ANK1: variants seen among roughly 807,000 people sequenced by gnomAD.
ANK1 encodes the protein ankyrin 1, also known as ankyrin-1.
ANK1 carries 51 observed loss-of-function variants against 210.4 expected under a neutral mutation model. The ratio of observed to expected loss-of-function variants is 0.24; its 90% CI spans 0.19 to 0.31. The LOEUF (loss-of-function observed/expected upper bound fraction) is 0.31, where lower values mean the gene tolerates loss of function less well. Ranked by LOEUF, ANK1 falls within the 10% of genes least tolerant of loss-of-function variation. The pLI is 1.00. For missense variants in ANK1, 2,051 were observed against 2,504.4 expected, an observed-to-expected ratio of 0.82 and a Z score of 3.86; for synonymous variants, 967 against 1,025.9, an observed-to-expected ratio of 0.94 and a Z score of 1.10.
intron 1 of ANK1, among the ~76,000 whole-genome samples, chr8:41,857,265 G>T (rs1467577082): frequency 9.5e-5 from 14 of 147,266 alleles, no homozygotes; most frequent in African/African-American, 3.5e-4. Flanking sequence ...TCTTTGACTC[G>T]TTTCTTGGTG....
At position 41,655,034 on chromosome 8, in the gene ANK1, G is replaced by C. The variant is rs1473559769; in HGVS notation, c.*756C>G. The C allele has an allele frequency of 6.6e-6, 1 of 152,166 alleles. No homozygotes were observed. The highest frequency in any genetic ancestry group is 1.5e-5 in the Non-Finnish European group (1 of 68,088). 9.4% of individuals were successfully genotyped at this position (152,166 alleles called of 1,614,324 possible). A position where few individuals can be genotyped will look rare whatever the true frequency, so the allele number is the denominator to read the frequency against. ...ATTCGTATTGAAATTGGCAGAGAGA[G>C]AGACAACATAAAAAATTCCAATTTA... On this transcript the variant is annotated 3_prime_UTR_variant, in exon 43 of 43. Transcript: ENST00000289734.
At position 41,702,290 on chromosome 8, in the gene ANK1, T is replaced by A. The variant is rs552737450; in HGVS notation, c.2296-146A>T. The A allele has an allele frequency of 1.5e-5, 10 of 648,380 alleles. No homozygotes were observed. The South Asian group carries it at 1.6e-4, about 11-fold the overall frequency. The allele number at this position is 648,380 out of a possible 1,614,324, so 40.2% of individuals were successfully genotyped here. The stretch of plus-strand genomic sequence containing the variant: ...CGTCACCGTGGGGCCCAGAAAGAGA[T>A]CCCTGCACGTGTGTGTGCCTAGATG... On this transcript the variant is annotated intron_variant, in intron 20 of 42. Coordinates refer to ENST00000289734, the MANE Select transcript of ANK1 (RefSeq NM_000037.4).
At chr8:41,816,734 A>G (rs1803408807) in intron 1 of ANK1, among the ~76,000 whole-genome samples, 1 of 152,206 alleles carries the variant, frequency 6.6e-6, no homozygotes, top group African/African-American at 2.4e-5. Flanking sequence ...CTGGCCAATA[A>G]TATTCTTATT....
intron 2 of ANK1, among the ~76,000 whole-genome samples, chr8:41,737,432 T>C (rs564649436): frequency 1.3e-5 from 2 of 152,278 alleles, no homozygotes; most frequent in South Asian, 2.1e-4. Flanking sequence ...CGGCAATTGA[T>C]CTCTAGGATT....
In ANK1 at chr8:41,749,670, T is replaced by C. The variant is rs11997900; in HGVS notation, c.129+8366A>G. On this transcript the variant is annotated intron_variant, in intron 2 of 42. Coordinates refer to ENST00000289734, the MANE Select transcript of ANK1 (RefSeq NM_000037.4). ...CCTTGTTGCCCAGGCTGGAGTGCAA[T>C]GGTGCGATCTCAGCTCACCACATCC... Among the ~76,000 whole-genome samples the C allele has an allele frequency of 3.6e-3, 544 of 151,432 alleles. 2 individuals are homozygous for C. The highest frequency in any genetic ancestry group is 0.012 in the African/African-American group (502 of 41,172).
chr8:41,661,078 G>T, intron 42 of ANK1: 2 of 318,100 alleles, frequency 6.3e-6, no homozygotes, highest in East Asian at 7.9e-5. Context: ...GTCTTGCTCT[G>T]TTGCCCAGGC....
In ANK1 at chr8:41,795,665, A is replaced by T. The variant is rs993084544; in HGVS notation, c.27+1847T>A. ...ATAAGCGAGGCACAGAAAGACAAATACTGAATGTTCTCAGTCATACATAGG... is the reference window on the plus strand; with the variant it reads ...ATAAGCGAGGCACAGAAAGACAAATTCTGAATGTTCTCAGTCATACATAGG... On this transcript the variant is annotated intron_variant, in intron 1 of 42. Transcript: ENST00000289734. 1.8e-4 allele frequency among the ~76,000 whole-genome samples: 27 copies of T among 152,260 alleles called. No homozygotes were observed. In the South Asian group the frequency reaches 2.1e-3, roughly 12 times the overall value.
intron 1 of ANK1, among the ~76,000 whole-genome samples, chr8:41,761,196 C>T (rs531202369): frequency 1.0e-5 from 1 of 97,430 alleles, no homozygotes; most frequent in African/African-American, 3.3e-5. Context: ...CATGCGCACA[C>T]ACACAGATTC....
At chr8:41,819,925 T>C (rs1334512056) in intron 1 of ANK1, among the ~76,000 whole-genome samples, 3 of 152,234 alleles carry the variant, frequency 2.0e-5, no homozygotes, top group Non-Finnish European at 4.4e-5. Context: ...GTGAGAATCA[T>C]GAACTCAGCA....
chr8:41,802,295 T>A (rs773546077), upstream of ANK1, among the ~76,000 whole-genome samples: 3 of 152,174 alleles, frequency 2.0e-5, no homozygotes, highest in South Asian at 2.1e-4. Context: ...CGACCTATAG[T>A]TTTACTTCTC....
chr8:41,860,723 G>T (rs1179219783), intron 1 of ANK1, among the ~76,000 whole-genome samples: 1 of 152,204 alleles, frequency 6.6e-6, no homozygotes, highest in African/African-American at 2.4e-5. Context: ...AAATATGGGG[G>T]AAAGCAATAA....
chr8:41,810,594 G>A (rs56828537), intron 1 of ANK1, among the ~76,000 whole-genome samples: 2 of 152,218 alleles, frequency 1.3e-5, no homozygotes, highest in Non-Finnish European at 2.9e-5. Context: ...GGCCACACAG[G>A]AGCAGAGCAT....
intron 1 of ANK1, among the ~76,000 whole-genome samples, chr8:41,856,574 T>C (rs928786139): frequency 6.6e-6 from 1 of 152,176 alleles, no homozygotes; most frequent in African/African-American, 2.4e-5. Flanking sequence ...TTTCAGATAA[T>C]GCATGAAAAG....
At chr8:41,846,487 T>A (rs1810077261) in intron 1 of ANK1, among the ~76,000 whole-genome samples, 2 of 152,210 alleles carry the variant, frequency 1.3e-5, no homozygotes, top group Admixed American at 6.5e-5. Flanking sequence ...CTGAGCTGAC[T>A]CCTGAAGGCA....
chr8:41,840,898 A>T (rs1808771778), intron 1 of ANK1, among the ~76,000 whole-genome samples: 1 of 152,200 alleles, frequency 6.6e-6, no homozygotes, highest in Non-Finnish European at 1.5e-5. Flanking sequence ...ATTGAAACAA[A>T]CAAGGAGTGC....
intron 3 of ANK1, among the ~76,000 whole-genome samples, chr8:41,728,215 A>G (rs1036590212): frequency 2.0e-5 from 3 of 152,180 alleles, no homozygotes; most frequent in Admixed American, 6.5e-5. Context: ...CCTGTTCTCT[A>G]TGACAAACAA....
At position 41,761,264 on chromosome 8, in the gene ANK1, C is replaced by T. The variant is rs10098281; in HGVS notation, c.28-3127G>A. Among the ~76,000 whole-genome samples, 411 of 151,702 alleles carry T rather than the reference C, an allele frequency of 2.7e-3. 1 individual carries two copies. Among genetic ancestry groups the T allele is most frequent in the African/African-American group, 8.8e-3 (365 of 41,310 alleles). On this transcript the variant is annotated intron_variant, in intron 1 of 42. Coordinates refer to ENST00000289734, the MANE Select transcript of ANK1 (RefSeq NM_000037.4). ...CTACACATACACACCCATACACAGACGTGTGTGCACACACATGCACACCAA... is the reference window on the plus strand; with the variant it reads ...CTACACATACACACCCATACACAGATGTGTGTGCACACACATGCACACCAA...
intron 1 of ANK1, among the ~76,000 whole-genome samples, chr8:41,796,358 C>T (rs754766493): frequency 2.6e-5 from 4 of 152,010 alleles, no homozygotes; most frequent in African/African-American, 4.8e-5. Context: ...ACACATTGCA[C>T]GGGACACCTG....
intron 1 of ANK1, among the ~76,000 whole-genome samples, chr8:41,873,603 C>A (rs1359087586): frequency 6.6e-6 from 1 of 152,208 alleles, no homozygotes; most frequent in Admixed American, 6.5e-5. Context: ...ACGATGCCTC[C>A]ATAAGGATAA....
Sources: gnomAD v4.1 joint callset for allele counts (sites outside exome capture counted in the v4.1 genomes callset) on GRCh38, gnomAD v4.1.1 for gene constraint, MANE v1.5 for transcripts, NCBI Gene and HGNC (gene_info 2026-07-23, HGNC 2026-07-21) for gene names.